The following KRT13 variants were observed in gnomAD, a reference collection of about 807,000 sequenced individuals.
KRT13 encodes keratin 13, also known as keratin, type I cytoskeletal 13.
In KRT13, 27 loss-of-function variants were observed where a neutral mutation model predicts 40.6. That is an observed-to-expected ratio of 0.67 (90% CI 0.49 to 0.92). The LOEUF is 0.92. KRT13 is among the 40% of genes least tolerant of loss of function. The probability of loss-of-function intolerance (pLI) is 0.00; values close to 1 mark genes in which losing one functional copy is unlikely to be tolerated. For missense variants in KRT13, 605 were observed against 611.5 expected (o/e 0.99, Z 0.11); for synonymous variants, 266 against 240.3 (o/e 1.11, Z -0.99).
chr17:41,504,491 GC>G (rs1414437334), intron 1 of KRT13: 1 of 158,868 alleles, frequency 6.3e-6, no homozygotes, highest in Non-Finnish European at 1.4e-5. Context: ...CTGAGACTCA[GC>G]CCAGGCTGGT....
chr17:41,502,522 G>A lies in KRT13; in HGVS notation c.1096C>T (p.Leu366Phe). 1.2e-6 allele frequency: 2 copies of A among 1,614,040 alleles called. No homozygotes were observed. The highest frequency in any genetic ancestry group is 2.2e-5 in the East Asian group (1 of 44,876). ...YALQLQQIQG[L>F]ISSIEAQLSE... ...AGCTGGGCCTCGATGCTGCTGATGAGTCCCTGGATCTGCTGCAGCTGCAGG... is the reference window on the plus strand; with the variant it reads ...AGCTGGGCCTCGATGCTGCTGATGAATCCCTGGATCTGCTGCAGCTGCAGG... Residue 366 changes from leucine to phenylalanine, a missense_variant, in exon 6 of 8, where the codon CTC becomes TTC. Coordinates refer to ENST00000246635, the MANE Select transcript of KRT13 (RefSeq NM_153490.3).
Position 41,502,487 on chromosome 17 carries a change from G to C in KRT13, c.1131C>G (p.Leu377=). 1 of 1,614,186 alleles carries C rather than the reference G, an allele frequency of 6.2e-7. No individual in the cohort carries two copies. The highest frequency in any genetic ancestry group is 8.5e-7 in the Non-Finnish European group (1 of 1,180,038). The change falls in exon 6 of 8, where the codon CTC becomes CTG. Residue 377 remains leucine (L), a synonymous_variant. Coordinates refer to ENST00000246635, the MANE Select transcript of KRT13 (RefSeq NM_153490.3). ...GGTTCTGGCACTCCATCTCACTGCGGAGCTCGCTCAGCTGGGCCTCGATGC... is the reference window on the plus strand; with the variant it reads ...GGTTCTGGCACTCCATCTCACTGCGCAGCTCGCTCAGCTGGGCCTCGATGC... ...ISSIEAQLSE[L]RSEMECQNQE...
Position 41,505,131 on chromosome 17 carries a change from G to A in KRT13, c.420C>T (p.His140=), listed in dbSNP as rs530596803. Residue 140 remains histidine (H), a synonymous_variant, in exon 1 of 8, where the codon CAC becomes CAT. Transcript: ENST00000246635. ...ADLEVKIRDW[H]LKQSPASPER... is the part of the protein sequence containing the mutation. ...CAGGGCTAGCTGGGCTCTGCTTCAG[G>A]TGCCAGTCACGGATCTTCACCTCCA... 4.3e-4 allele frequency: 690 copies of A among 1,614,192 alleles called. 5 individuals are homozygous for A. In the South Asian group the frequency reaches 7.1e-3, roughly 17 times the overall value.
At chr17:41,502,291 G>C (rs1904877107) in intron 6 of KRT13, 83 bp downstream of exon 6, 1 of 1,611,778 alleles carries the variant, frequency 6.2e-7, no homozygotes, top group African/African-American at 1.3e-5. Context: ...GACATGAGGG[G>C]GTGGATCTCT....
chr17:41,501,466 G>T (rs752120397), intron 7 of KRT13, 104 bp from the exon 8 acceptor site: 7 of 1,099,060 alleles, frequency 6.4e-6, no homozygotes, highest in Non-Finnish European at 8.2e-6. Context: ...GTCAGGTGGT[G>T]CGTGGATGGA....
At chr17:41,502,212 A>G (rs920896306) in intron 6 of KRT13, 162 bp downstream of exon 6, 2 of 1,540,730 alleles carry the variant, frequency 1.3e-6, no homozygotes. Context: ...AGAAAGTTTA[A>G]AGGTGTTAAC....
At chr17:41,501,432 G>C (rs1904847301) in intron 7 of KRT13, 70 bp from the exon 8 acceptor site, 3 of 1,300,766 alleles carry the variant, frequency 2.3e-6, no homozygotes, top group South Asian at 2.6e-5. Flanking sequence ...GGGCCCCCCT[G>C]GAGGGCTCAC....
At position 41,501,110 on chromosome 17, in the gene KRT13, A is replaced by G. The variant is rs1597760088; in HGVS notation, c.*146T>C. 1.6e-6 allele frequency: 1 copy of G among 636,772 alleles called. No homozygotes were observed. 39.4% of individuals were successfully genotyped at this position (636,772 alleles called of 1,614,324 possible). On this transcript the variant is annotated 3_prime_UTR_variant, in exon 8 of 8. Coordinates refer to ENST00000246635, the MANE Select transcript of KRT13 (RefSeq NM_153490.3). ...CGGAAGAGAAGAGCACAGAGGGCCC[A>G]CCATCAGGAGAGAGTCAGGACAGGG...
chr17:41,502,138 T>C, intron 6 of KRT13: 1 of 1,438,480 alleles, frequency 7.0e-7, no homozygotes, highest in Admixed American at 2.7e-5. Flanking sequence ...GCTCATGTTT[T>C]TCCAATATCA....
chr17:41,501,329 G>T lies in KRT13; in HGVS notation c.1304C>A (p.Thr435Lys). ...GGTGGTAACAGAGGCACTAGAAGTC[G>T]TGGTAACAGAGGTGCTACGGGGGCT... is the stretch of plus-strand genomic sequence containing the variant. Reference protein sequence around the residue: ...SVSPRSTSVTTTSSASVTTTS... With the variant: ...SVSPRSTSVTKTSSASVTTTS... Residue 435 changes from threonine (T) to lysine (K), a missense_variant, in exon 8 of 8, where the codon ACG becomes AAG. By Grantham distance (78) the Thr-to-Lys change is moderately conservative. Transcript: ENST00000246635. 1 of 1,573,810 alleles carries T rather than the reference G, an allele frequency of 6.4e-7. No homozygotes were observed. Among genetic ancestry groups the T allele is most frequent in the Admixed American group, 1.9e-5 (1 of 52,650 alleles).
Position 41,502,547 on chromosome 17 carries a change from G to T in KRT13, c.1071C>A (p.Ala357=). The part of the protein sequence containing the change: ...NTVAETECRY[A]LQLQQIQGLI... Reference sequence around the variant, plus strand: ...GTCCCTGGATCTGCTGCAGCTGCAGGGCATAGCGGCACTCCGTCTCTGCCA... The same window carrying T: ...GTCCCTGGATCTGCTGCAGCTGCAGTGCATAGCGGCACTCCGTCTCTGCCA... Residue 357 remains alanine (A), a synonymous_variant, in exon 6 of 8, where the codon GCC becomes GCA. Transcript: ENST00000246635. The T allele has an allele frequency of 6.2e-7, 1 of 1,613,872 alleles. No homozygotes were observed. The highest frequency in any genetic ancestry group is 8.5e-7 in the Non-Finnish European group (1 of 1,180,024).
At chr17:41,504,997 C>G in intron 1 of KRT13, 59 bp downstream of exon 1, 1 of 1,601,466 alleles carries the variant, frequency 6.2e-7, no homozygotes, top group African/African-American at 1.3e-5. Flanking sequence ...CACTGTGTTT[C>G]TTGGCCTTGG....
In KRT13 at chr17:41,503,638, C is replaced by T. The variant is rs756355811; in HGVS notation, c.578+5G>A. On this transcript the variant is annotated splice_donor_5th_base_variant and intron_variant, in intron 2 of 7. Coordinates refer to ENST00000246635, the MANE Select transcript of KRT13 (RefSeq NM_153490.3). ...AGGAGAGGGAGGGGGAAAAAAAAAA[C>T]TCACTTGAGCCTGAAGTCGTCCGCA... 1.2e-6 allele frequency: 2 copies of T among 1,611,120 alleles called. No individual in the cohort carries two copies. The highest frequency in any genetic ancestry group is 1.7e-6 in the Non-Finnish European group (2 of 1,177,528).
chr17:41,503,061 A>T lies in KRT13; in HGVS notation c.773T>A (p.Val258Asp). ...TGGGGTGGCATCCATCTCCACGTTG[A>T]CCTGGCCGACCACCTGGTTGCTAAA... ...KEFSNQVVGQ[V>D]NVEMDATPGI... The change falls in exon 4 of 8, where the codon GTC becomes GAC. Residue 258 changes from valine to aspartate, a missense_variant. Physicochemically the swap from Val to Asp is radical, Grantham distance 152. Coordinates refer to ENST00000246635, the MANE Select transcript of KRT13 (RefSeq NM_153490.3). 1.2e-6 allele frequency: 2 copies of T among 1,614,112 alleles called. No homozygotes were observed. The highest frequency in any genetic ancestry group is 1.7e-6 in the Non-Finnish European group (2 of 1,180,018).
At chr17:41,504,341 G>T (rs1044379055) in intron 1 of KRT13, 7 of 158,314 alleles carry the variant, frequency 4.4e-5, no homozygotes, top group African/African-American at 1.7e-4. Context: ...GACTCGGCTT[G>T]GTGCCACATA....
Position 41,503,392 on chromosome 17 carries a change from G to A in KRT13, c.630C>T (p.Gly210=). The A allele has an allele frequency of 6.2e-7, 1 of 1,614,246 alleles. No individual in the cohort carries two copies. Among genetic ancestry groups the A allele is most frequent in the Non-Finnish European group, 8.5e-7 (1 of 1,180,032 alleles). Residue 210 remains glycine, a synonymous_variant, in exon 3 of 8, where the codon GGC becomes GGT. Coordinates refer to ENST00000246635, the MANE Select transcript of KRT13 (RefSeq NM_153490.3). ...TGAGCTCATCCAGCACCCGGCGCAG[G>A]CCGTTGATGTCGGCCTCCACGCTCT... The part of the protein sequence containing the change: ...LRQSVEADIN[G]LRRVLDELTL...
At chr17:41,504,668 C>A in intron 1 of KRT13, 1 of 223,172 alleles carries the variant, frequency 4.5e-6, no homozygotes, top group African/African-American at 2.3e-5. Context: ...AACAATTATT[C>A]CCAGGGCAAT....
rs535020030 is a variant in KRT13 at position 41,502,965 on chromosome 17, C to T, written c.869G>A (p.Arg290Gln). The change falls in exon 4 of 8, where the codon CGG becomes CAG. Residue 290 changes from arginine to glutamine, a missense_variant. By Grantham distance (43) the Arg-to-Gln change is conservative. Coordinates refer to ENST00000246635, the MANE Select transcript of KRT13 (RefSeq NM_153490.3). Reference sequence around the variant, plus strand: ...GGTGTGGAACCATTCCTCAGCATCCCGGCGGTTCCTCTCTGCCATGGCCTC... The same window carrying T: ...GGTGTGGAACCATTCCTCAGCATCCTGGCGGTTCCTCTCTGCCATGGCCTC... ...QYEAMAERNR[R>Q]DAEEWFHTKS... 2,273 of 1,614,198 alleles carry T rather than the reference C, an allele frequency of 1.4e-3. 49 individuals carry two copies. The South Asian group carries it at 0.023, about 17-fold the overall frequency.
At chr17:41,503,953 C>T in intron 1 of KRT13, 1 of 525,328 alleles carries the variant, frequency 1.9e-6, no homozygotes, top group South Asian at 2.0e-5. Flanking sequence ...CTGTCCTGGG[C>T]CACATGCAGC....
Sources: allele counts gnomAD v4.1 joint callset, GRCh38; gene constraint gnomAD v4.1.1; transcripts MANE v1.5; gene names NCBI Gene and HGNC (gene_info 2026-07-23, HGNC 2026-07-21).